Variants in ANTXR1 observed in about 807,000 individuals in gnomAD.
ANTXR1 encodes ANTXR cell adhesion molecule 1, also known as anthrax toxin receptor 1.
ANTXR1 carries 19 observed loss-of-function variants against 78.1 expected under a neutral mutation model. That is an observed-to-expected ratio of 0.24 (90% CI 0.17 to 0.36). The LOEUF (loss-of-function observed/expected upper bound fraction) is 0.36. Ranked by LOEUF, ANTXR1 falls within the 10% of genes least tolerant of loss-of-function variation. The pLI is 1.00. For synonymous variants in ANTXR1, 273 were observed against 260.5 expected (o/e 1.05, Z -0.46); for missense variants, 518 against 718.6 (o/e 0.72, Z 3.19).
chr2:69,127,564 T>G (rs1672581190), intron 12 of ANTXR1, among the ~76,000 whole-genome samples: 1 of 152,084 alleles, frequency 6.6e-6, no homozygotes, highest in East Asian at 1.9e-4. Flanking sequence ...TTTAGAAGAT[T>G]ACTTGGCTGA....
rs141850364 is a variant in ANTXR1, at chr2:69,242,969, G to A, written c.1435-2256G>A. Reference sequence around the variant, plus strand: ...CCGGGAGCTCTGGGCAGTGCAGCGAGGAGGGGGTAAATTCTTTCTGCAGTG... The same window carrying A: ...CCGGGAGCTCTGGGCAGTGCAGCGAAGAGGGGGTAAATTCTTTCTGCAGTG... On this transcript the variant is annotated intron_variant, in intron 17 of 17. Transcript: ENST00000303714. Among the ~76,000 whole-genome samples, 107 of 152,356 alleles carry A rather than the reference G, an allele frequency of 7.0e-4. 2 individuals are homozygous for A. In the East Asian group the frequency reaches 0.018, roughly 25 times the overall value.
chr2:69,073,154 T>G, intron 6 of ANTXR1, 53 bp downstream of exon 6: 2 of 1,547,172 alleles, frequency 1.3e-6, no homozygotes, highest in South Asian at 2.2e-5. Context: ...GGGCTTCTCC[T>G]TTCTAAAATG....
intron 9 of ANTXR1, among the ~76,000 whole-genome samples, chr2:69,099,933 A>G (rs1352949533): frequency 6.6e-6 from 1 of 152,246 alleles, no homozygotes; most frequent in Non-Finnish European, 1.5e-5. Flanking sequence ...GGAAGCTTTC[A>G]ATGTAATTGG....
At chr2:69,094,956 A>G (rs1671351519) in intron 9 of ANTXR1, among the ~76,000 whole-genome samples, 1 of 152,190 alleles carries the variant, frequency 6.6e-6, no homozygotes. Flanking sequence ...TTGCTCCCCA[A>G]CAAGAATGCC....
intron 17 of ANTXR1, among the ~76,000 whole-genome samples, chr2:69,230,715 G>A (rs964652921): frequency 6.6e-6 from 1 of 152,172 alleles, no homozygotes; most frequent in African/African-American, 2.4e-5. Context: ...ATGCACAAGT[G>A]TGTAAATAGG....
At chr2:69,164,799 C>T (rs547929188) in intron 13 of ANTXR1, among the ~76,000 whole-genome samples, 3 of 152,308 alleles carry the variant, frequency 2.0e-5, no homozygotes, top group African/African-American at 7.2e-5. Context: ...TATGTCTTCC[C>T]CAACACAGGA....
intron 16 of ANTXR1, among the ~76,000 whole-genome samples, chr2:69,188,458 A>G (rs1674475593): frequency 6.6e-6 from 1 of 152,262 alleles, no homozygotes. Context: ...CTTATTGCTT[A>G]GAAAGAAACC....
intron 12 of ANTXR1, among the ~76,000 whole-genome samples, chr2:69,147,075 G>A (rs899371035): frequency 5.3e-5 from 8 of 152,188 alleles, no homozygotes; most frequent in African/African-American, 1.2e-4. Context: ...CCAAGGAGTC[G>A]AGGCAGTCTG....
chr2:69,226,058 C>G (rs1029887289), intron 17 of ANTXR1, among the ~76,000 whole-genome samples: 1 of 152,182 alleles, frequency 6.6e-6, no homozygotes, highest in African/African-American at 2.4e-5. Context: ...CTCTCCATTG[C>G]ATTCCTCTGC....
At chr2:69,177,555 C>G (rs1456521602) in intron 14 of ANTXR1, among the ~76,000 whole-genome samples, 1 of 152,172 alleles carries the variant, frequency 6.6e-6, no homozygotes, top group Non-Finnish European at 1.5e-5. Flanking sequence ...ACGTCTGGAG[C>G]CACCACATCC....
At chr2:69,201,270 G>A (rs978110486) in intron 17 of ANTXR1, among the ~76,000 whole-genome samples, 2 of 152,178 alleles carry the variant, frequency 1.3e-5, no homozygotes, top group Non-Finnish European at 2.9e-5. Context: ...CAAGAAGGGG[G>A]AATGGAGTTG....
At chr2:69,127,130 T>C (rs1402617574) in intron 12 of ANTXR1, among the ~76,000 whole-genome samples, 2 of 152,112 alleles carry the variant, frequency 1.3e-5, no homozygotes, top group Non-Finnish European at 2.9e-5. Context: ...ATAAACATAG[T>C]AAACAAACTA....
chr2:69,223,665 G>T (rs1675376372), intron 17 of ANTXR1, among the ~76,000 whole-genome samples: 1 of 152,148 alleles, frequency 6.6e-6, no homozygotes, highest in Non-Finnish European at 1.5e-5. Context: ...ACCCAAAAAT[G>T]TTCTAATTTT....
intron 17 of ANTXR1, among the ~76,000 whole-genome samples, chr2:69,220,618 T>C (rs898014818): frequency 9.2e-5 from 14 of 152,234 alleles, no homozygotes; most frequent in African/African-American, 3.4e-4. Context: ...CAAGTATGTA[T>C]ATATTGTTAT....
At chr2:69,020,786 T>C (rs1439845278) in intron 1 of ANTXR1, among the ~76,000 whole-genome samples, 3 of 152,230 alleles carry the variant, frequency 2.0e-5, no homozygotes, top group African/African-American at 7.2e-5. Flanking sequence ...AGGTTCATAC[T>C]GAAAAAGTAA....
At chr2:69,160,771 T>G (rs1038804588) in intron 13 of ANTXR1, among the ~76,000 whole-genome samples, 4 of 152,320 alleles carry the variant, frequency 2.6e-5, no homozygotes, top group African/African-American at 9.6e-5. Context: ...ATGTGACTCT[T>G]CAAATTTATT....
intron 9 of ANTXR1, among the ~76,000 whole-genome samples, chr2:69,095,327 T>A (rs1477173039): frequency 6.6e-6 from 1 of 152,196 alleles, no homozygotes; most frequent in Non-Finnish European, 1.5e-5. Flanking sequence ...TGCATAAGAC[T>A]TAGTCCCAAA....
chr2:69,015,255 T>G (rs1670988238), intron 1 of ANTXR1, among the ~76,000 whole-genome samples: 1 of 142,936 alleles, frequency 7.0e-6, no homozygotes, highest in East Asian at 2.1e-4. Context: ...AACAAAATGA[T>G]TCTAGGCTTA....
rs1671778793 is a variant in ANTXR1, at chr2:69,105,486, G to C, written c.802+2546G>C. Among the ~76,000 whole-genome samples, 3 of 152,336 alleles carry C rather than the reference G, an allele frequency of 2.0e-5. No individual in the cohort carries two copies. In the South Asian group the frequency reaches 6.2e-4, roughly 32 times the overall value. ...GAGGAAAACACTTGGCCTTTAGTTAGTAATTCACCTGTTCATTTCCATGGA... is the reference window on the plus strand; with the variant it reads ...GAGGAAAACACTTGGCCTTTAGTTACTAATTCACCTGTTCATTTCCATGGA... On this transcript the variant is annotated intron_variant, in intron 10 of 17. Coordinates refer to ENST00000303714, the MANE Select transcript of ANTXR1 (RefSeq NM_032208.3).
Sources: gnomAD v4.1 joint callset for allele counts (sites outside exome capture counted in the v4.1 genomes callset) on GRCh38, gnomAD v4.1.1 for gene constraint, MANE v1.5 for transcripts, NCBI Gene and HGNC (gene_info 2026-07-23, HGNC 2026-07-21) for gene names.